The following SLC16A7 variants were observed in gnomAD, a reference collection of about 807,000 sequenced individuals.
SLC16A7 encodes solute carrier family 16 member 7.
A neutral mutation model predicts 34.9 loss-of-function variants in SLC16A7; 33 were observed. That is an observed-to-expected ratio of 0.94 (90% CI 0.72 to 1.26). The LOEUF (loss-of-function observed/expected upper bound fraction) is 1.26. SLC16A7 is among the 50% of genes most tolerant of loss of function. SLC16A7 has a pLI of 0.00. For missense variants in SLC16A7, 573 were observed against 578.1 expected, an observed-to-expected ratio of 0.99 and a Z score of 0.09; for synonymous variants, 201 against 206.6, an observed-to-expected ratio of 0.97 and a Z score of 0.23.
chr12:59,754,198 T>C (rs1378164960), intron 3 of SLC16A7, among the ~76,000 whole-genome samples: 1 of 151,886 alleles, frequency 6.6e-6, no homozygotes, highest in African/African-American at 2.4e-5. Flanking sequence ...TTAAAAGAAC[T>C]AGAAAAGCAA....
chr12:59,765,361 C>A (rs941092897), intron 3 of SLC16A7, among the ~76,000 whole-genome samples: 6 of 152,158 alleles, frequency 3.9e-5, no homozygotes, highest in Non-Finnish European at 8.8e-5. Flanking sequence ...TCAATTTTGG[C>A]TTTTGTTGCC....
intron 1 of SLC16A7, among the ~76,000 whole-genome samples, chr12:59,608,766 G>A (rs1397879694): frequency 1.3e-5 from 2 of 151,898 alleles, no homozygotes; most frequent in African/African-American, 4.8e-5. Flanking sequence ...TTTTATTTTT[G>A]TTAATAACAC....
chr12:59,617,569 A>G (rs1353097370), intron 1 of SLC16A7, among the ~76,000 whole-genome samples: 4 of 152,030 alleles, frequency 2.6e-5, no homozygotes, highest in Non-Finnish European at 5.9e-5. Context: ...AGTTCTAAAC[A>G]TGTGACCTGA....
rs1883283102 is a variant in SLC16A7, at chr12:59,781,986, T to C, written c.*2307T>C. 6.6e-6 allele frequency: 1 copy of C among 152,190 alleles called. No individual in the cohort carries two copies. Among genetic ancestry groups the C allele is most frequent in the Non-Finnish European group, 1.5e-5 (1 of 68,028 alleles). 9.4% of individuals were successfully genotyped at this position (152,190 alleles called of 1,614,324 possible). ...TGGCCTTCTCCAGGGAGGAGGTTTA[T>C]TTACTTACTGATGAGTTTCTCGTCA... On this transcript the variant is annotated 3_prime_UTR_variant, in exon 6 of 6. Coordinates refer to ENST00000547379, the MANE Select transcript of SLC16A7 (RefSeq NM_001270623.2).
intron 2 of SLC16A7, among the ~76,000 whole-genome samples, chr12:59,657,410 G>A (rs1015494520): frequency 6.6e-6 from 1 of 151,910 alleles, no homozygotes; most frequent in Non-Finnish European, 1.5e-5. Context: ...CTTCAGGTTT[G>A]TTGTGATGTC....
chr12:59,648,806 G>A (rs2137015358), intron 1 of SLC16A7, among the ~76,000 whole-genome samples: 1 of 152,290 alleles, frequency 6.6e-6, no homozygotes, highest in Middle Eastern at 3.4e-3. Context: ...GAGTGGCCAT[G>A]AGATCCAAGT....
chr12:59,750,646 G>A (rs12303722), intron 3 of SLC16A7, among the ~76,000 whole-genome samples: 5,104 of 152,236 alleles, frequency 0.034, 262 homozygotes, highest in African/African-American at 0.12. Flanking sequence ...GTGGAAGATG[G>A]TATGGCGATT....
chr12:59,721,657 GC>G (rs1387055924), intron 3 of SLC16A7, among the ~76,000 whole-genome samples: 1 of 151,224 alleles, frequency 6.6e-6, no homozygotes, highest in Admixed American at 6.6e-5. Flanking sequence ...CCTTCTTTTT[GC>G]CCCCACTCCA....
intron 3 of SLC16A7, among the ~76,000 whole-genome samples, chr12:59,706,914 C>T (rs1347762964): frequency 6.6e-6 from 1 of 152,086 alleles, no homozygotes; most frequent in Non-Finnish European, 1.5e-5. Flanking sequence ...ATTTTATATA[C>T]TGTTTTAATT....
intron 3 of SLC16A7, among the ~76,000 whole-genome samples, chr12:59,713,483 T>C (rs532100721): frequency 6.6e-6 from 1 of 152,336 alleles, no homozygotes; most frequent in South Asian, 2.1e-4. Flanking sequence ...GTGGGTGACT[T>C]AAGTTTGATG....
intron 1 of SLC16A7, among the ~76,000 whole-genome samples, chr12:59,641,828 A>G (rs1185105176): frequency 2.0e-5 from 3 of 151,978 alleles, no homozygotes; most frequent in Non-Finnish European, 4.4e-5. Context: ...TTCTTTTTAT[A>G]GAATGTCTTT....
intron 3 of SLC16A7, among the ~76,000 whole-genome samples, chr12:59,734,541 T>C (rs1222859730): frequency 6.6e-6 from 1 of 152,154 alleles, no homozygotes; most frequent in Non-Finnish European, 1.5e-5. Context: ...CTGGGAAGTG[T>C]GGGTCTCCAA....
At position 59,782,081 on chromosome 12, in the gene SLC16A7, G is replaced by A. The variant is rs1883290247; in HGVS notation, c.*2402G>A. On this transcript the variant is annotated 3_prime_UTR_variant, in exon 6 of 6. Coordinates refer to ENST00000547379, the MANE Select transcript of SLC16A7 (RefSeq NM_001270623.2). The stretch of plus-strand genomic sequence containing the variant: ...TCATTCGTTATTTATTTCTAACACT[G>A]TATTAAATTGTTAGAAAAGAAAGTA... 1 of 152,108 alleles carries A rather than the reference G, an allele frequency of 6.6e-6. No individual in the cohort carries two copies. The highest frequency in any genetic ancestry group is 2.4e-5 in the African/African-American group (1 of 41,430). The allele number at this position is 152,108 out of a possible 1,614,324, so 9.4% of individuals were successfully genotyped here.
At position 59,618,037 on chromosome 12, in the gene SLC16A7, C is replaced by T. The variant is rs190333146; in HGVS notation, c.-130+21801C>T. 2.1e-3 allele frequency among the ~76,000 whole-genome samples: 324 copies of T among 151,680 alleles called. 1 individual carries two copies. Among genetic ancestry groups the T allele is most frequent in the Middle Eastern group, 0.017 (5 of 294 alleles). ...AACTGTGACTCAATTTTTTTGTATCCTTGAGTTTTTTTTTCCTCATAAGGG... is the reference window on the plus strand; with the variant it reads ...AACTGTGACTCAATTTTTTTGTATCTTTGAGTTTTTTTTTCCTCATAAGGG... On this transcript the variant is annotated intron_variant, in intron 1 of 5. Coordinates refer to ENST00000547379, the MANE Select transcript of SLC16A7 (RefSeq NM_001270623.2).
At chr12:59,767,098 G>C (rs1881735862) in intron 3 of SLC16A7, among the ~76,000 whole-genome samples, 1 of 151,756 alleles carries the variant, frequency 6.6e-6, no homozygotes, top group Non-Finnish European at 1.5e-5. Context: ...ATTTCTTCTA[G>C]ATTTTCTAGT....
intron 3 of SLC16A7, among the ~76,000 whole-genome samples, chr12:59,750,701 C>T (rs1879424415): frequency 6.6e-6 from 1 of 152,138 alleles, no homozygotes. Flanking sequence ...CCAGCAATCC[C>T]ATTACTGGGT....
intron 2 of SLC16A7, among the ~76,000 whole-genome samples, chr12:59,664,213 T>G (rs1452749276): frequency 1.3e-5 from 2 of 152,110 alleles, no homozygotes; most frequent in Non-Finnish European, 2.9e-5. Flanking sequence ...TATAAATTGT[T>G]TGGCAAAATG....
At chr12:59,706,628 C>T (rs772347223) in intron 3 of SLC16A7, among the ~76,000 whole-genome samples, 11 of 152,096 alleles carry the variant, frequency 7.2e-5, no homozygotes, top group Non-Finnish European at 1.3e-4. Flanking sequence ...TTCTTGTGAC[C>T]ATAGAAACAG....
At chr12:59,641,592 A>C (rs1021594154) in intron 1 of SLC16A7, among the ~76,000 whole-genome samples, 2 of 152,032 alleles carry the variant, frequency 1.3e-5, no homozygotes, top group Admixed American at 1.3e-4. Flanking sequence ...AGGAAACAAA[A>C]TTAGTCCGTT....
Sources: gnomAD v4.1 joint callset for allele counts (sites outside exome capture counted in the v4.1 genomes callset) on GRCh38, gnomAD v4.1.1 for gene constraint, MANE v1.5 for transcripts, NCBI Gene and HGNC (gene_info 2026-07-23, HGNC 2026-07-21) for gene names.